Variants in SPATA13 observed in about 807,000 individuals in gnomAD.
SPATA13 encodes spermatogenesis associated 13.
A neutral mutation model predicts 104.0 loss-of-function variants in SPATA13; 50 were observed. The observed-to-expected ratio is 0.48, with a 90% CI of 0.38 to 0.61. The LOEUF is 0.61. SPATA13 is among the 20% of genes least tolerant of loss of function. The pLI is 0.00. For synonymous variants in SPATA13, 606 were observed against 667.5 expected (o/e 0.91, Z 1.42); for missense variants, 1,524 against 1,690.6 (o/e 0.90, Z 1.73).
chr13:24,123,910 C>T (rs1881126031), intron 3 of SPATA13: 1 of 611,978 alleles, frequency 1.6e-6, no homozygotes, highest in Admixed American at 2.8e-5. Context: ...TTGTTAATTC[C>T]CTAACTCATT....
chr13:24,264,853 A>T (rs1451986542), intron 4 of SPATA13, among the ~76,000 whole-genome samples: 1 of 152,222 alleles, frequency 6.6e-6, no homozygotes, highest in Non-Finnish European at 1.5e-5. Context: ...GGACAATTTT[A>T]TATTTATTTC....
At chr13:24,300,022 G>A (rs1460675066) in intron 11 of SPATA13, among the ~76,000 whole-genome samples, 1 of 152,148 alleles carries the variant, frequency 6.6e-6, no homozygotes, top group African/African-American at 2.4e-5. Flanking sequence ...ATAGCGTATG[G>A]GTGAACACGC....
intron 2 of SPATA13, among the ~76,000 whole-genome samples, chr13:24,008,453 C>T (rs908108172): frequency 7.2e-5 from 11 of 152,180 alleles, no homozygotes; most frequent in African/African-American, 2.7e-4. Flanking sequence ...TCGTCATGGG[C>T]CACCATGAAA....
intron 3 of SPATA13, among the ~76,000 whole-genome samples, chr13:24,096,390 G>T (rs1223171430): frequency 6.6e-6 from 1 of 152,116 alleles, no homozygotes; most frequent in East Asian, 1.9e-4. Flanking sequence ...GAGGTCAGGG[G>T]TTCGAGACCA....
At chr13:24,048,233 G>A (rs1878216744) in intron 3 of SPATA13, among the ~76,000 whole-genome samples, 1 of 152,184 alleles carries the variant, frequency 6.6e-6, no homozygotes, top group Non-Finnish European at 1.5e-5. Context: ...CACACATTAT[G>A]GTGTAGTGTT....
intron 3 of SPATA13, among the ~76,000 whole-genome samples, chr13:24,153,293 G>A (rs1051808775): frequency 6.6e-5 from 10 of 152,214 alleles, no homozygotes; most frequent in African/African-American, 2.4e-4. Context: ...TTTTCCACCT[G>A]CAGTCCTGTC....
chr13:24,033,106 T>C (rs1317806958), intron 3 of SPATA13, among the ~76,000 whole-genome samples: 2 of 152,216 alleles, frequency 1.3e-5, no homozygotes, highest in African/African-American at 4.8e-5. Flanking sequence ...CTAAGTCCTT[T>C]GATGTTAGGT....
chr13:23,996,096 C>T (rs955305002), intron 2 of SPATA13, among the ~76,000 whole-genome samples: 2 of 152,198 alleles, frequency 1.3e-5, no homozygotes, highest in South Asian at 2.1e-4. Flanking sequence ...TGGTAGGTTA[C>T]GAATTAGTTT....
At chr13:24,117,805 G>C (rs1880901247) in intron 3 of SPATA13, among the ~76,000 whole-genome samples, 1 of 152,160 alleles carries the variant, frequency 6.6e-6, no homozygotes, top group Non-Finnish European at 1.5e-5. Flanking sequence ...ATTCTGCCTA[G>C]AGCTGGAATG....
intron 4 of SPATA13, among the ~76,000 whole-genome samples, chr13:24,273,531 G>A (rs138748795): frequency 3.3e-5 from 5 of 152,294 alleles, no homozygotes; most frequent in Non-Finnish European, 5.9e-5. Flanking sequence ...AACACTAACA[G>A]TTTACATTCT....
rs145457859 is a variant in SPATA13, at chr13:24,048,300, C to T, written c.-112+30599C>T. On this transcript the variant is annotated intron_variant, in intron 3 of 14. Transcript: ENST00000424834. ...GATGACTGTTGCATTTTTAGCATTA[C>T]GTTATATTGTTTAGAAAATAAGATA... Among the ~76,000 whole-genome samples, 695 of 151,644 alleles carry T rather than the reference C, an allele frequency of 4.6e-3. 8 individuals carry two copies. Among genetic ancestry groups the T allele is most frequent in the African/African-American group, 0.016 (672 of 41,014 alleles).
chr13:24,184,230 G>T (rs1869002972), intron 1 of SPATA13, among the ~76,000 whole-genome samples: 1 of 152,170 alleles, frequency 6.6e-6, no homozygotes, highest in Non-Finnish European at 1.5e-5. Context: ...AAAATCATTT[G>T]GATGTGGAAA....
intron 2 of SPATA13, among the ~76,000 whole-genome samples, chr13:24,232,768 C>T (rs370867787): frequency 3.3e-5 from 5 of 152,296 alleles, no homozygotes; most frequent in Admixed American, 2.6e-4. Context: ...AGGCTGGTCT[C>T]GAGCTCCTGA....
Position 24,048,465 on chromosome 13 carries a change from C to CCAAG in SPATA13, c.-112+30764_-112+30765insCAAG, listed in dbSNP as rs140164935. On this transcript the variant is annotated intron_variant, in intron 3 of 14. Coordinates refer to the SPATA13 transcript ENST00000424834. ...TTAATAATTTAGTAGATCTAGTAAA[C>CCAAG]TAATCAAGGATGAAGAGGATCTTAC... is the stretch of plus-strand genomic sequence containing the variant. Among the ~76,000 whole-genome samples the CCAAG allele has an allele frequency of 3.1e-3, 477 of 152,174 alleles. 3 individuals carry two copies. The highest frequency in any genetic ancestry group is 0.011 in the African/African-American group (451 of 41,450).
chr13:24,006,753 A>G (rs1472264793), intron 2 of SPATA13, among the ~76,000 whole-genome samples: 1 of 152,162 alleles, frequency 6.6e-6, no homozygotes, highest in East Asian at 1.9e-4. Flanking sequence ...GCACCGGGAC[A>G]CGCAGCCCAA....
chr13:24,039,463 A>G (rs926762962), intron 3 of SPATA13, among the ~76,000 whole-genome samples: 1 of 152,252 alleles, frequency 6.6e-6, no homozygotes, highest in Non-Finnish European at 1.5e-5. Context: ...TAGAATGTGC[A>G]GAATCAGAAT....
At chr13:24,036,013 CAAAAAAAAAAAAA>C (rs56837096) in intron 3 of SPATA13, among the ~76,000 whole-genome samples, 28 of 112,514 alleles carry the variant, frequency 2.5e-4, no homozygotes, top group African/African-American at 8.6e-4. Flanking sequence ...GACCCTGTCT[CAAAAAAAAAAAAA>C]AAAAAAAGAA....
chr13:24,055,218 C>T (rs1054352652), intron 3 of SPATA13, among the ~76,000 whole-genome samples: 3 of 152,214 alleles, frequency 2.0e-5, no homozygotes, highest in Admixed American at 1.3e-4. Flanking sequence ...ACATCAGTTT[C>T]TATCTTGTTG....
chr13:24,287,488 A>G (rs890583090), intron 7 of SPATA13, among the ~76,000 whole-genome samples: 1 of 152,204 alleles, frequency 6.6e-6, no homozygotes, highest in African/African-American at 2.4e-5. Context: ...CTCTGCAACT[A>G]TCTCTATCAG....
Sources: allele counts gnomAD v4.1 joint callset (sites outside exome capture counted in the v4.1 genomes callset), GRCh38; gene constraint gnomAD v4.1.1; transcripts MANE v1.5; gene names NCBI Gene and HGNC (gene_info 2026-07-23, HGNC 2026-07-21).